Variants in TRIM4 observed in about 807,000 individuals in gnomAD.
TRIM4 encodes the protein E3 ubiquitin-protein ligase TRIM4.
A neutral mutation model predicts 33.7 loss-of-function variants in TRIM4; 29 were observed. The ratio of observed to expected loss-of-function variants is 0.86; its 90% CI spans 0.64 to 1.17. The LOEUF is 1.17. TRIM4 is among the 50% of genes most tolerant of loss of function. TRIM4 has a pLI of 0.00. For synonymous variants in TRIM4, 224 were observed against 233.0 expected (o/e 0.96, Z 0.35); for missense variants, 554 against 593.7 (o/e 0.93, Z 0.69).
At chr7:99,918,736 T>C (rs1280781040) in intron 1 of TRIM4, among the ~76,000 whole-genome samples, 1 of 152,214 alleles carries the variant, frequency 6.6e-6, no homozygotes, top group Non-Finnish European at 1.5e-5. Flanking sequence ...GCACACACCC[T>C]CTCAGTATGT....
At chr7:99,907,610 A>C (rs1440059844) in intron 3 of TRIM4, among the ~76,000 whole-genome samples, 1 of 152,246 alleles carries the variant, frequency 6.6e-6, no homozygotes, top group Non-Finnish European at 1.5e-5. Context: ...GCATTGCTTA[A>C]GCATGTTGTA....
chr7:99,912,596 T>G (rs1255080120), intron 1 of TRIM4, among the ~76,000 whole-genome samples: 1 of 152,050 alleles, frequency 6.6e-6, no homozygotes, highest in Admixed American at 6.6e-5. Context: ...GCTGAAGTAT[T>G]TTGTTTGCAA....
intron 3 of TRIM4, among the ~76,000 whole-genome samples, chr7:99,904,209 A>C: frequency 6.6e-6 from 1 of 152,248 alleles, no homozygotes; most frequent in Non-Finnish European, 1.5e-5. Flanking sequence ...ATAGATGTGA[A>C]AATTCTAAGT....
chr7:99,919,384 G>C lies in TRIM4; in HGVS notation c.18C>G (p.Ile6Met), dbSNP rs773110031. MEAED[I>M]QEELTCPICL... is the part of the protein sequence containing the mutation. Reference sequence around the variant, plus strand: ...AGATGGGGCAGGTCAACTCCTCCTGGATGTCCTCAGCTTCCATGCTGCTTC... The same window carrying C: ...AGATGGGGCAGGTCAACTCCTCCTGCATGTCCTCAGCTTCCATGCTGCTTC... The change falls in exon 1 of 6, where the codon ATC (isoleucine) becomes ATG (methionine). Residue 6 changes from isoleucine (I) to methionine (M), a missense_variant. Around this residue, in one of 3 missense-constraint regions of TRIM4, gnomAD observed 233 missense variants for 203.1 expected, o/e 1.15. Coordinates refer to ENST00000349062, the MANE Select transcript of TRIM4 (RefSeq NM_033091.3). 7.6e-6 allele frequency: 12 copies of C among 1,571,042 alleles called. No individual in the cohort carries two copies. Among genetic ancestry groups the C allele is most frequent in the Non-Finnish European group, 1.0e-5 (12 of 1,160,536 alleles).
At position 99,891,907 on chromosome 7, in the gene TRIM4, A is replaced by G. The variant is rs1279481871; in HGVS notation, c.*256T>C. On this transcript the variant is annotated 3_prime_UTR_variant, in exon 6 of 6. Coordinates refer to ENST00000349062, the MANE Select transcript of TRIM4 (RefSeq NM_033091.3). The stretch of plus-strand genomic sequence containing the variant: ...TAACATCCATATGTCTTCCCCGCAC[A>G]TCTCTTTAAAAGCTACAAAAAGATT... The G allele has an allele frequency of 7.3e-6, 3 of 412,058 alleles. No individual in the cohort carries two copies. The highest frequency in any genetic ancestry group is 1.3e-5 in the Non-Finnish European group (3 of 232,452). 25.5% of individuals were successfully genotyped at this position (412,058 alleles called of 1,614,324 possible). A position where few individuals can be genotyped will look rare whatever the true frequency, so the allele number is the denominator to read the frequency against.
intron 1 of TRIM4, among the ~76,000 whole-genome samples, chr7:99,912,087 T>C (rs1819457815): frequency 6.6e-6 from 1 of 152,118 alleles, no homozygotes; most frequent in Non-Finnish European, 1.5e-5. Context: ...GTGGTTGCCC[T>C]GGTAGGGGAA....
chr7:99,900,389 C>T (rs1209871045), intron 5 of TRIM4, among the ~76,000 whole-genome samples: 1 of 152,152 alleles, frequency 6.6e-6, no homozygotes, highest in African/African-American at 2.4e-5. Context: ...TCCAAAATCA[C>T]CCTCAAAAAA....
At position 99,919,303 on chromosome 7, in the gene TRIM4, G is replaced by A. The variant is rs1053912233; in HGVS notation, c.99C>T (p.Arg33=). 3 of 1,557,102 alleles carry A rather than the reference G, an allele frequency of 1.9e-6. No homozygotes were observed. Among genetic ancestry groups the A allele is most frequent in the South Asian group, 1.2e-5 (1 of 84,902 alleles). Residue 33 remains arginine, a synonymous_variant, in exon 1 of 6, where the codon CGC becomes CGT. Coordinates refer to ENST00000349062, the MANE Select transcript of TRIM4 (RefSeq NM_033091.3). Reference sequence around the variant, plus strand: ...GCGCCCAGTTGCGGTGCAGGCAGCCGCGGCAGAAGTTGTGGCCGCACTCGA... The same window carrying A: ...GCGCCCAGTTGCGGTGCAGGCAGCCACGGCAGAAGTTGTGGCCGCACTCGA... ...VSIECGHNFC[R]GCLHRNWAPG... is the part of the protein sequence containing the mutation.
chr7:99,907,189 C>T (rs545116295), intron 3 of TRIM4, among the ~76,000 whole-genome samples: 12 of 152,312 alleles, frequency 7.9e-5, no homozygotes, highest in African/African-American at 2.4e-4. Context: ...ACAATCTCGG[C>T]TCACTGCAAT....
Position 99,903,612 on chromosome 7 carries a change from G to T in TRIM4, c.721-14C>A, listed in dbSNP as rs765565036. 2 of 1,614,048 alleles carry T rather than the reference G, an allele frequency of 1.2e-6. No individual in the cohort carries two copies. Among genetic ancestry groups the T allele is most frequent in the Non-Finnish European group, 1.7e-6 (2 of 1,180,022 alleles). ...TTCTTTTGGATTCTGTGAAAAGAAG[G>T]AAGACATAAGCAAATTACGAACCTT... On this transcript the variant is annotated splice_polypyrimidine_tract_variant and intron_variant, in intron 3 of 5. Coordinates refer to ENST00000349062, the MANE Select transcript of TRIM4 (RefSeq NM_033091.3).
At chr7:99,894,776 C>T (rs948779216) in intron 5 of TRIM4, among the ~76,000 whole-genome samples, 1 of 151,998 alleles carries the variant, frequency 6.6e-6, no homozygotes, top group Non-Finnish European at 1.5e-5. Flanking sequence ...TTCCAGTTAT[C>T]TCTATCTTCA....
At position 99,894,637 on chromosome 7, in the gene TRIM4, A is replaced by C. The variant is rs541569862; in HGVS notation, c.842-1891T>G. On this transcript the variant is annotated intron_variant, in intron 5 of 5. Transcript: ENST00000349062. ...AGCTGAGATTGCACCACTGCGCCCCAGCCTAGGCAACAGACCAAGACTCCA... is the reference window on the plus strand; with the variant it reads ...AGCTGAGATTGCACCACTGCGCCCCCGCCTAGGCAACAGACCAAGACTCCA... 8.5e-4 allele frequency among the ~76,000 whole-genome samples: 129 copies of C among 151,948 alleles called. 1 individual carries two copies. The highest frequency in any genetic ancestry group is 2.4e-3 in the Admixed American group (36 of 15,266).
chr7:99,916,749 A>T (rs1338688806), intron 1 of TRIM4: 1 of 781,054 alleles, frequency 1.3e-6, no homozygotes, highest in Non-Finnish European at 2.4e-6. Flanking sequence ...CTTCTCTTCC[A>T]TTCATCCACG....
intron 3 of TRIM4, among the ~76,000 whole-genome samples, chr7:99,906,472 G>C (rs1012399108): frequency 5.3e-5 from 8 of 152,012 alleles, no homozygotes; most frequent in Non-Finnish European, 4.4e-5. Flanking sequence ...AATTACAGAC[G>C]TGAGCCACTG....
chr7:99,899,156 A>C (rs183344817), intron 5 of TRIM4, among the ~76,000 whole-genome samples: 4 of 152,200 alleles, frequency 2.6e-5, no homozygotes, highest in Admixed American at 2.6e-4. Context: ...CTGTGTATTC[A>C]GAGTTCTGAG....
rs754985807 is a variant in TRIM4 at position 99,908,762 on chromosome 7, C to T, written c.540G>A (p.Leu180=). 1 of 1,614,180 alleles carries T rather than the reference C, an allele frequency of 6.2e-7. No homozygotes were observed. The highest frequency in any genetic ancestry group is 1.7e-5 in the Admixed American group (1 of 60,014). The change falls in exon 3 of 6, where the codon CTG becomes CTA. Residue 180 remains leucine, a synonymous_variant. Coordinates refer to ENST00000349062, the MANE Select transcript of TRIM4 (RefSeq NM_033091.3). ...CCTCTTCTTCAACCAGGAAGTTGTGCAGCTTTGAAAACTCCGTGCTGATTC... is the reference window on the plus strand; with the variant it reads ...CCTCTTCTTCAACCAGGAAGTTGTGTAGCTTTGAAAACTCCGTGCTGATTC... ...RMRISTEFSK[L]HNFLVEEEDL...
chr7:99,891,958 C>T lies in TRIM4; in HGVS notation c.*205G>A, dbSNP rs1818900037. ...TCCCAAAAGCGTCTTGGAAAATTTC[C>T]TGTCCCATCTCCATTGGCCAGACCC... On this transcript the variant is annotated 3_prime_UTR_variant, in exon 6 of 6. Coordinates refer to ENST00000349062, the MANE Select transcript of TRIM4 (RefSeq NM_033091.3). The T allele has an allele frequency of 6.0e-6, 3 of 498,384 alleles. No individual in the cohort carries two copies. The South Asian group carries it at 1.3e-4, about 22-fold the overall frequency. The allele number at this position is 498,384 out of a possible 1,614,324, so 30.9% of individuals were successfully genotyped here. A position where few individuals can be genotyped will look rare whatever the true frequency, so the allele number is the denominator to read the frequency against.
At position 99,892,110 on chromosome 7, in the gene TRIM4, G is replaced by T. The variant is rs1210700236; in HGVS notation, c.*53C>A. The T allele has an allele frequency of 6.9e-7, 1 of 1,453,624 alleles. No homozygotes were observed. Among genetic ancestry groups the T allele is most frequent in the East Asian group, 2.3e-5 (1 of 44,028 alleles). 90.0% of individuals were successfully genotyped at this position (1,453,624 alleles called of 1,614,324 possible). A position where few individuals can be genotyped will look rare whatever the true frequency, so the allele number is the denominator to read the frequency against. ...AGGGCAGAAGAGGGCCCAGGGATGT[G>T]TGTCCCTCAGCTGGACTACAGGGAA... On this transcript the variant is annotated 3_prime_UTR_variant, in exon 6 of 6. Coordinates refer to ENST00000349062, the MANE Select transcript of TRIM4 (RefSeq NM_033091.3).
Position 99,892,250 on chromosome 7 carries a change from A to G in TRIM4, c.1338T>C (p.Ser446=), listed in dbSNP as rs770402442. The G allele has an allele frequency of 6.2e-7, 1 of 1,614,224 alleles. No individual in the cohort carries two copies. Among genetic ancestry groups the G allele is most frequent in the Non-Finnish European group, 8.5e-7 (1 of 1,180,042 alleles). The change falls in exon 6 of 6, where the codon TCT becomes TCC. Residue 446 remains serine, a synonymous_variant. Coordinates refer to ENST00000349062, the MANE Select transcript of TRIM4 (RefSeq NM_033091.3). ...AVDGVHLHTF[S]CSSVSRLRPF... is the part of the protein sequence containing the mutation. ...GCCGGAGGCGTGAGACAGAAGAACA[A>G]GAAAAGGTGTGCAGGTGCACTCCGT...
Sources: gnomAD v4.1 joint callset for allele counts (sites outside exome capture counted in the v4.1 genomes callset) on GRCh38, gnomAD v4.1.1 for gene constraint, gnomAD v4.1.1 regional missense constraint, MANE v1.5 for transcripts, NCBI Gene and HGNC (gene_info 2026-07-23, HGNC 2026-07-21) for gene names.